The following ANK3 variants were observed in gnomAD, a reference collection of about 807,000 sequenced individuals.
The protein encoded by ANK3 is ankyrin-3.
Under a neutral mutation model 370.9 loss-of-function variants are expected in ANK3, and 57 were observed. The ratio of observed to expected loss-of-function variants is 0.15; its 90% CI spans 0.12 to 0.19. The LOEUF is 0.19. ANK3 is among the 10% of genes least tolerant of loss of function. The pLI is 1.00. For missense variants in ANK3, 4,439 were observed against 5,302.1 expected (o/e 0.84, Z 5.06); for synonymous variants, 1,929 against 1,946.3 (o/e 0.99, Z 0.23).
intron 43 of ANK3, among the ~76,000 whole-genome samples, chr10:60,039,410 T>C (rs912927269): frequency 2.6e-5 from 4 of 152,192 alleles, no homozygotes; most frequent in Admixed American, 2.6e-4. Flanking sequence ...TTTTTTGGTA[T>C]TTGAAGTAAA....
chr10:60,565,530 G>A (rs563462045), intron 2 of ANK3, among the ~76,000 whole-genome samples: 24 of 152,262 alleles, frequency 1.6e-4, no homozygotes, highest in South Asian at 8.3e-4. Flanking sequence ...ACCCCAGGTC[G>A]AAAATGATGT....
intron 2 of ANK3, among the ~76,000 whole-genome samples, chr10:60,402,839 C>A (rs1383256761): frequency 1.3e-5 from 2 of 152,180 alleles, no homozygotes; most frequent in Non-Finnish European, 2.9e-5. Context: ...TTGTGGGAAC[C>A]TGCCTGAACC....
intron 7 of ANK3, among the ~76,000 whole-genome samples, chr10:60,236,230 C>T (rs1224683737): frequency 6.6e-6 from 1 of 151,910 alleles, no homozygotes; most frequent in Admixed American, 6.6e-5. Context: ...ATAAATACTG[C>T]AATTTAATTA....
intron 2 of ANK3, among the ~76,000 whole-genome samples, chr10:60,458,391 G>A (rs1174306550): frequency 6.6e-6 from 1 of 152,042 alleles, no homozygotes; most frequent in East Asian, 1.9e-4. Flanking sequence ...ATATGTGTCT[G>A]GTACACCTTA....
intron 1 of ANK3, among the ~76,000 whole-genome samples, chr10:60,372,493 A>G (rs2060233727): frequency 6.6e-6 from 1 of 152,284 alleles, no homozygotes; most frequent in African/African-American, 2.4e-5. Context: ...ATCTATATAA[A>G]TAGCTGGCAT....
intron 25 of ANK3, among the ~76,000 whole-genome samples, chr10:60,123,376 A>T (rs2093601314): frequency 6.6e-6 from 1 of 152,178 alleles, no homozygotes; most frequent in Admixed American, 6.6e-5. Context: ...CACTAGTCCT[A>T]TTCATCAGAG....
At chr10:60,171,169 G>A (rs1228112757) in intron 21 of ANK3, among the ~76,000 whole-genome samples, 1 of 152,118 alleles carries the variant, frequency 6.6e-6, no homozygotes, top group Non-Finnish European at 1.5e-5. Flanking sequence ...AGCAACATGT[G>A]GAAATTTCTC....
At chr10:60,359,526 CATTTGTCACATGT>C (rs1297544977) in intron 1 of ANK3, among the ~76,000 whole-genome samples, 3 of 152,190 alleles carry the variant, frequency 2.0e-5, no homozygotes, top group African/African-American at 7.2e-5. Flanking sequence ...TTCTTTTAAG[CATTTGTCACATGT>C]ATTCTTAAGT....
chr10:60,673,056 A>C (rs1489869392), intron 1 of ANK3, among the ~76,000 whole-genome samples: 1 of 152,154 alleles, frequency 6.6e-6, no homozygotes, highest in Non-Finnish European at 1.5e-5. Context: ...AAAAAAAAAA[A>C]AAATCACCTC....
chr10:60,565,604 C>T (rs1452845362), intron 2 of ANK3, among the ~76,000 whole-genome samples: 1 of 152,194 alleles, frequency 6.6e-6, no homozygotes, highest in Non-Finnish European at 1.5e-5. Context: ...CCGTAACTCA[C>T]CCCTGCACTC....
Position 60,059,394 on chromosome 10 carries a change from G to C in ANK3, c.12632C>G (p.Ser4211Cys). 1 of 1,614,054 alleles carries C rather than the reference G, an allele frequency of 6.2e-7. No homozygotes were observed. Among genetic ancestry groups the C allele is most frequent in the Non-Finnish European group, 8.5e-7 (1 of 1,180,004 alleles). The change falls in exon 41 of 44, where the codon TCC (serine) becomes TGC (cysteine). Residue 4211 changes from serine (S) to cysteine (C), a missense_variant. Physicochemically the swap from Ser to Cys is moderately radical, Grantham distance 112. Transcript: ENST00000280772. ...AGTTACTCTTCGAGCTTGAGCGCAG[G>C]ACTCTAGGTTTCCACTTGATGTCTC... ...QNETSSGNLE[S>C]CAQARRVTGG... is the part of the protein sequence containing the mutation.
At chr10:60,035,104 T>C (rs2074618710) in intron 43 of ANK3, among the ~76,000 whole-genome samples, 1 of 152,168 alleles carries the variant, frequency 6.6e-6, no homozygotes, top group Admixed American at 6.5e-5. Flanking sequence ...ATTACTGTTA[T>C]TATTTTTATT....
upstream of ANK3, among the ~76,000 whole-genome samples, chr10:60,390,073 G>C (rs1211193297): frequency 1.3e-5 from 2 of 152,126 alleles, no homozygotes. Flanking sequence ...TGATAGAATG[G>C]AGCTGTTCCT....
At chr10:60,670,423 C>T (rs144280592) in intron 1 of ANK3, among the ~76,000 whole-genome samples, 339 of 152,236 alleles carry the variant, frequency 2.2e-3, no homozygotes, top group African/African-American at 4.5e-3. Flanking sequence ...TCACCAAGAC[C>T]TGTAGATCTG....
chr10:60,519,890 T>C (rs911348246), intron 2 of ANK3, among the ~76,000 whole-genome samples: 2 of 152,072 alleles, frequency 1.3e-5, no homozygotes, highest in Admixed American at 1.3e-4. Flanking sequence ...ATGAGGAAGA[T>C]GGGTTAGAGG....
At chr10:60,165,409 G>T (rs183494778) in intron 23 of ANK3, among the ~76,000 whole-genome samples, 7 of 152,186 alleles carry the variant, frequency 4.6e-5, no homozygotes, top group Non-Finnish European at 8.8e-5. Flanking sequence ...ATGTTTCAGA[G>T]AAAAAGAAAG....
chr10:60,566,698 C>A (rs1337604305), intron 2 of ANK3, among the ~76,000 whole-genome samples: 1 of 152,082 alleles, frequency 6.6e-6, no homozygotes, highest in African/African-American at 2.4e-5. Context: ...CATTGTGAGA[C>A]CTCATCTCCA....
intron 1 of ANK3, among the ~76,000 whole-genome samples, chr10:60,360,038 T>C (rs530123037): frequency 1.3e-5 from 2 of 152,362 alleles, no homozygotes; most frequent in South Asian, 2.1e-4. Context: ...CATTAACTGA[T>C]TCCTAAAAGA....
intron 40 of ANK3, chr10:60,059,859 A>G: frequency 6.2e-7 from 1 of 1,614,248 alleles, no homozygotes; most frequent in Non-Finnish European, 8.5e-7. Flanking sequence ...CTGGGAAGGC[A>G]CTAGCCCATC....
Sources: gnomAD v4.1 joint callset for allele counts (sites outside exome capture counted in the v4.1 genomes callset) on GRCh38, gnomAD v4.1.1 for gene constraint, MANE v1.5 for transcripts, NCBI Gene and HGNC (gene_info 2026-07-23, HGNC 2026-07-21) for gene names.